Variants in ROCK2 observed in about 807,000 individuals in gnomAD.
ROCK2 encodes the protein rho-associated protein kinase 2.
ROCK2 carries 61 observed loss-of-function variants against 195.1 expected under a neutral mutation model. That is an observed-to-expected ratio of 0.31 (90% CI 0.25 to 0.39). ROCK2 has a LOEUF of 0.39. Among genes scored for constraint, ROCK2 ranks in the 10% least tolerant of loss-of-function variants. ROCK2 has a pLI of 1.00. For synonymous variants in ROCK2, 504 were observed against 545.5 expected, an observed-to-expected ratio of 0.92 and a Z score of 1.06; for missense variants, 1,109 against 1,637.4, an observed-to-expected ratio of 0.68 and a Z score of 5.57.
chr2:11,255,694 C>A (rs985503782), intron 3 of ROCK2, among the ~76,000 whole-genome samples: 4 of 150,530 alleles, frequency 2.7e-5, no homozygotes, highest in Middle Eastern at 3.4e-3. Flanking sequence ...CTGAGGTGAG[C>A]GGATCACTTG....
intron 3 of ROCK2, among the ~76,000 whole-genome samples, chr2:11,252,948 A>C (rs1024571856): frequency 4.9e-5 from 6 of 123,130 alleles, no homozygotes; most frequent in African/African-American, 2.0e-4. Context: ...GTATAATAAT[A>C]ATAATAATAA....
chr2:11,223,372 T>C (rs923799275), intron 7 of ROCK2, among the ~76,000 whole-genome samples: 5 of 152,174 alleles, frequency 3.3e-5, no homozygotes, highest in Non-Finnish European at 7.4e-5. Flanking sequence ...TCTCTGGGGA[T>C]CAATTTTGTA....
intron 17 of ROCK2, among the ~76,000 whole-genome samples, chr2:11,214,095 G>T (rs1664341092): frequency 6.6e-6 from 1 of 151,906 alleles, no homozygotes. Flanking sequence ...AGTTTTCCTT[G>T]GGTCCTAGAG....
chr2:11,214,216 T>G (rs1664345947), intron 17 of ROCK2, 141 bp downstream of exon 17: 1 of 591,006 alleles, frequency 1.7e-6, no homozygotes, highest in Admixed American at 3.1e-5. Context: ...ATCTCTTATC[T>G]ACACATCAAG....
chr2:11,188,435 T>A (rs1663285869), intron 32 of ROCK2, among the ~76,000 whole-genome samples: 1 of 151,998 alleles, frequency 6.6e-6, no homozygotes, highest in Non-Finnish European at 1.5e-5. Flanking sequence ...TTATCTTGCA[T>A]TGAAACAAAT....
At chr2:11,234,485 T>C (rs1182677445) in intron 5 of ROCK2, 1 of 152,182 alleles carries the variant, frequency 6.6e-6, no homozygotes, top group Non-Finnish European at 1.5e-5. Flanking sequence ...TAATTTGCAC[T>C]GTTAATCATT....
chr2:11,285,074 C>T (rs574259484), intron 3 of ROCK2, among the ~76,000 whole-genome samples: 1 of 152,114 alleles, frequency 6.6e-6, no homozygotes, highest in South Asian at 2.1e-4. Flanking sequence ...ACCAGACTGA[C>T]CAACATGGAG....
chr2:11,214,050 T>C (rs1034142870), intron 17 of ROCK2, among the ~76,000 whole-genome samples: 2 of 152,232 alleles, frequency 1.3e-5, no homozygotes, highest in African/African-American at 2.4e-5. Flanking sequence ...ACTTTATATA[T>C]GGCATTTTTA....
intron 3 of ROCK2, among the ~76,000 whole-genome samples, chr2:11,275,969 G>A (rs1208745699): frequency 3.3e-5 from 5 of 151,784 alleles, no homozygotes; most frequent in Non-Finnish European, 7.4e-5. Context: ...CAAAGTGCTG[G>A]GATTATAGGC....
rs1266690258 is a variant in ROCK2, at chr2:11,201,787, G to A, written c.2619+265C>T. Among the ~76,000 whole-genome samples, 4 of 152,044 alleles carry A rather than the reference G, an allele frequency of 2.6e-5. No individual in the cohort carries two copies. Among genetic ancestry groups the A allele is most frequent in the Admixed American group, 6.5e-5 (1 of 15,272 alleles). On this transcript the variant is annotated intron_variant, in intron 21 of 32. Transcript: ENST00000315872. This position sits in a 1 kb window ranked among gnomAD's most constrained non-coding sequence, Gnocchi z 4.6. The stretch of plus-strand genomic sequence containing the variant: ...ATTTTTAAAACTGATCTCAAAAAAA[G>A]CACAACTATTAAAATGATAATTTTA...
At chr2:11,255,460 C>T (rs931352669) in intron 3 of ROCK2, among the ~76,000 whole-genome samples, 1 of 150,646 alleles carries the variant, frequency 6.6e-6, no homozygotes, top group Admixed American at 6.6e-5. Flanking sequence ...TGCGACTCAT[C>T]ATCAAGAAAA....
intron 1 of ROCK2, among the ~76,000 whole-genome samples, chr2:11,331,042 G>GGGAGGAGGAGGGA (rs1553320147): frequency 6.9e-5 from 9 of 130,416 alleles, no homozygotes; most frequent in South Asian, 2.7e-4. Context: ...GGGAGGAGGA[G>GGGAGGAGGAGGGA]GGAGGAGGAG....
At chr2:11,321,966 A>G (rs1265565624) in intron 1 of ROCK2, among the ~76,000 whole-genome samples, 1 of 152,180 alleles carries the variant, frequency 6.6e-6, no homozygotes, top group Non-Finnish European at 1.5e-5. Flanking sequence ...AAATAAGGTC[A>G]TCAGAGTGGG....
At chr2:11,266,269 T>C (rs1039166973) in intron 3 of ROCK2, among the ~76,000 whole-genome samples, 7 of 152,236 alleles carry the variant, frequency 4.6e-5, no homozygotes, top group Non-Finnish European at 1.5e-5. Context: ...GTTGGGCTTG[T>C]TTCTTTTCTC....
At chr2:11,248,864 T>C (rs990027879) in intron 4 of ROCK2, among the ~76,000 whole-genome samples, 4 of 152,116 alleles carry the variant, frequency 2.6e-5, no homozygotes, top group African/African-American at 4.8e-5. Context: ...TGTTGTTTTT[T>C]TTCTTTTCAA....
At chr2:11,252,939 TATAATAATAATAATAATAATAATAATA>T (rs199970738) in intron 3 of ROCK2, among the ~76,000 whole-genome samples, 2 of 143,338 alleles carry the variant, frequency 1.4e-5, no homozygotes, top group African/African-American at 5.1e-5. Context: ...AACTTAAAAG[TATAATAATAATAATAATAATAATAATA>T]ATAATAATAA....
Position 11,216,201 on chromosome 2 carries a change from A to G in ROCK2, c.1418T>C (p.Val473Ala). ...TGCTGTTTTTTCTAGGCGAGTATTA[A>G]CAGATCTAAAGAATTTCAGAAAGAA... is the stretch of plus-strand genomic sequence containing the variant. ...KEELEQKCKS[V>A]NTRLEKTAKE... The change falls in exon 13 of 33, where the codon GTT becomes GCT. Residue 473 changes from valine to alanine, a missense_variant. Val to Ala is a moderately conservative substitution (Grantham distance 64). Transcript: ENST00000315872. 1 of 1,608,334 alleles carries G rather than the reference A, an allele frequency of 6.2e-7. No homozygotes were observed. Among genetic ancestry groups the G allele is most frequent in the Admixed American group, 1.7e-5 (1 of 59,948 alleles).
intron 32 of ROCK2, among the ~76,000 whole-genome samples, chr2:11,184,414 T>A (rs1663116510): frequency 6.6e-6 from 1 of 152,232 alleles, no homozygotes; most frequent in African/African-American, 2.4e-5. Context: ...ACTCCTTTTG[T>A]GATTTCTACA....
At chr2:11,323,872 G>A (rs186323364) in intron 1 of ROCK2, among the ~76,000 whole-genome samples, 106 of 152,168 alleles carry the variant, frequency 7.0e-4, no homozygotes, top group Admixed American at 2.3e-3. Context: ...TATAGTTACC[G>A]TCAGTATTCA....
Sources: gnomAD v4.1 joint callset for allele counts (sites outside exome capture counted in the v4.1 genomes callset) on GRCh38, gnomAD v4.1.1 for gene constraint, Gnocchi (gnomAD v3.1) non-coding constraint, MANE v1.5 for transcripts, NCBI Gene and HGNC (gene_info 2026-07-23, HGNC 2026-07-21) for gene names.